The following ATP9B variants were observed in gnomAD, a reference collection of about 807,000 sequenced individuals.
ATP9B encodes ATPase phospholipid transporting 9B.
ATP9B carries 110 observed loss-of-function variants against 146.1 expected under a neutral mutation model. The observed-to-expected ratio is 0.75, with a 90% CI of 0.65 to 0.88. ATP9B has a LOEUF of 0.88. Among genes scored for constraint, ATP9B ranks in the 40% least tolerant of loss-of-function variants. The probability of loss-of-function intolerance (pLI) is 0.00; values close to 1 mark genes in which losing one functional copy is unlikely to be tolerated. For missense variants in ATP9B, 1,499 were observed against 1,496.4 expected, an observed-to-expected ratio of 1.00 and a Z score of -0.03; for synonymous variants, 604 against 569.7, an observed-to-expected ratio of 1.06 and a Z score of -0.86.
At chr18:79,374,313 GC>G (rs2097090618) in intron 28 of ATP9B, 1 of 531,522 alleles carries the variant, frequency 1.9e-6, no homozygotes, top group African/African-American at 2.0e-5. Context: ...GAGGCGCTGA[GC>G]CCCGTCGGTC....
At chr18:79,181,409 A>C (rs911379247) in intron 8 of ATP9B, among the ~76,000 whole-genome samples, 2 of 151,920 alleles carry the variant, frequency 1.3e-5, no homozygotes, top group African/African-American at 4.8e-5. Flanking sequence ...TTCAGCCTTT[A>C]TTTTTCTTAT....
chr18:79,292,522 G>A (rs1012345685), intron 13 of ATP9B, among the ~76,000 whole-genome samples: 3 of 152,132 alleles, frequency 2.0e-5, no homozygotes, highest in African/African-American at 7.2e-5. Context: ...TAGGTTCTGT[G>A]TAATACCTAC....
intron 5 of ATP9B, among the ~76,000 whole-genome samples, chr18:79,127,768 A>G (rs555816491): frequency 1.3e-5 from 2 of 152,290 alleles, no homozygotes; most frequent in South Asian, 4.1e-4. Context: ...TATGATTAGC[A>G]TTTTAAAGAA....
At chr18:79,112,175 T>G (rs985013295) in intron 3 of ATP9B, among the ~76,000 whole-genome samples, 6 of 152,188 alleles carry the variant, frequency 3.9e-5, no homozygotes, top group Non-Finnish European at 8.8e-5. Flanking sequence ...AGTTGAGCAA[T>G]AAGCACTTAA....
At chr18:79,082,927 AG>A (rs754692927) in intron 1 of ATP9B, among the ~76,000 whole-genome samples, 5 of 152,218 alleles carry the variant, frequency 3.3e-5, no homozygotes, top group Non-Finnish European at 7.3e-5. Context: ...GCAGAGCTCA[AG>A]CGCTGTGCTG....
intron 7 of ATP9B, among the ~76,000 whole-genome samples, chr18:79,166,487 G>A (rs1276993716): frequency 6.6e-6 from 1 of 152,170 alleles, no homozygotes; most frequent in East Asian, 1.9e-4. Context: ...ACAATGCTGA[G>A]CTTACACATG....
At chr18:79,150,036 G>A (rs1034932002) in intron 6 of ATP9B, among the ~76,000 whole-genome samples, 2 of 152,020 alleles carry the variant, frequency 1.3e-5, no homozygotes, top group Non-Finnish European at 2.9e-5. Flanking sequence ...AGCCAAGATT[G>A]CGCCACTGCA....
chr18:79,269,729 C>T (rs961589931), intron 12 of ATP9B, among the ~76,000 whole-genome samples: 6 of 152,214 alleles, frequency 3.9e-5, no homozygotes, highest in African/African-American at 1.4e-4. Flanking sequence ...GACATACACA[C>T]TTGCTTCTGC....
At chr18:79,222,762 A>G (rs2095692741) in intron 11 of ATP9B, among the ~76,000 whole-genome samples, 1 of 151,234 alleles carries the variant, frequency 6.6e-6, no homozygotes, top group Admixed American at 6.6e-5. Context: ...ACTAAACAAA[A>G]GTTTTTATTA....
chr18:79,139,670 G>A (rs1291027795), intron 5 of ATP9B, among the ~76,000 whole-genome samples: 1 of 152,188 alleles, frequency 6.6e-6, no homozygotes, highest in Admixed American at 6.5e-5. Context: ...GGTATCCTTT[G>A]TGTTACAAAC....
chr18:79,160,754 G>T (rs1047069837), intron 7 of ATP9B, among the ~76,000 whole-genome samples: 32 of 151,950 alleles, frequency 2.1e-4, no homozygotes, highest in African/African-American at 6.5e-4. Flanking sequence ...GGGTTTGTTT[G>T]TGTTTGTTTG....
chr18:79,276,623 C>T (rs146159848), intron 12 of ATP9B, among the ~76,000 whole-genome samples: 5 of 152,268 alleles, frequency 3.3e-5, no homozygotes, highest in East Asian at 1.9e-4. Context: ...CGGGCATATA[C>T]GGGCACACTC....
chr18:79,087,617 T>C (rs508830), intron 1 of ATP9B: 3 of 152,216 alleles, frequency 2.0e-5, no homozygotes, highest in Non-Finnish European at 4.4e-5. Context: ...ATATCAGTTG[T>C]CTTCTAAGAA....
rs191857194 is a variant in ATP9B at position 79,138,655 on chromosome 18, A to G, written c.668-5147A>G. Among the ~76,000 whole-genome samples the G allele has an allele frequency of 1.6e-4, 25 of 152,272 alleles. 2 individuals carry two copies. The East Asian group carries it at 4.6e-3, about 28-fold the overall frequency. On this transcript the variant is annotated intron_variant, in intron 5 of 29. Transcript: ENST00000426216. ...GAGGTGGTAAACTATCATCTCAACT[A>G]AATTTGTTTATAGAAAAGTAAGTTA... is the stretch of plus-strand genomic sequence containing the variant.
At chr18:79,120,947 T>A (rs1016696845) in intron 4 of ATP9B, among the ~76,000 whole-genome samples, 1 of 152,206 alleles carries the variant, frequency 6.6e-6, no homozygotes, top group Non-Finnish European at 1.5e-5. Context: ...GAAAAACGAA[T>A]GAAATTGCTT....
intron 20 of ATP9B, chr18:79,343,687 G>A (rs934841056): frequency 1.3e-5 from 2 of 154,122 alleles, no homozygotes; most frequent in Admixed American, 6.5e-5. Context: ...GATGTGTGGC[G>A]ATGATGTGTG....
intron 16 of ATP9B, 145 bp from the exon 17 acceptor site, chr18:79,329,867 C>T (rs748433061): frequency 1.9e-5 from 13 of 696,820 alleles, no homozygotes; most frequent in South Asian, 5.3e-5. Flanking sequence ...TAGCCCTCCG[C>T]GTAGAAACAC....
rs549872229 is a variant in ATP9B at position 79,286,797 on chromosome 18, A to G, written c.1411+9601A>G. The stretch of plus-strand genomic sequence containing the variant: ...TATTATTTTGAGATACGTCCCATCA[A>G]TACCTAATTTATTGAGAGTTTTTAG... On this transcript the variant is annotated intron_variant, in intron 13 of 29. Coordinates refer to ENST00000426216, the MANE Select transcript of ATP9B (RefSeq NM_198531.5). 1.7e-3 allele frequency among the ~76,000 whole-genome samples: 255 copies of G among 152,318 alleles called. 2 individuals are homozygous for G. The highest frequency in any genetic ancestry group is 0.01 in the Middle Eastern group (3 of 294).
chr18:79,327,670 C>CTCCGTGTTTAGCGTGCTT (rs1372332765), intron 15 of ATP9B, among the ~76,000 whole-genome samples: 6 of 146,756 alleles, frequency 4.1e-5, no homozygotes, highest in Non-Finnish European at 9.0e-5. Flanking sequence ...TTAGCGTGCT[C>CTCCGTGTTTAGCGTGCTT]TCCGTGGTTA....
Sources: allele counts gnomAD v4.1 joint callset (sites outside exome capture counted in the v4.1 genomes callset), GRCh38; gene constraint gnomAD v4.1.1; transcripts MANE v1.5; gene names NCBI Gene and HGNC (gene_info 2026-07-23, HGNC 2026-07-21).